The following CD300LF variants were observed in gnomAD, a reference collection of about 807,000 sequenced individuals.
CD300LF encodes CD300 molecule like family member f, also known as CMRF35-like molecule 1.
Under a neutral mutation model 32.2 loss-of-function variants are expected in CD300LF, and 27 were observed. That is an observed-to-expected ratio of 0.84 (90% CI 0.62 to 1.15). CD300LF has a LOEUF of 1.15. Ranked by LOEUF, CD300LF falls within the 50% of genes most tolerant of loss-of-function variation. The pLI is 0.00. For missense variants in CD300LF, 348 were observed against 356.8 expected (o/e 0.98, Z 0.20); for synonymous variants, 139 against 143.2 (o/e 0.97, Z 0.21).
chr17:74,710,585 G>A lies in CD300LF; in HGVS notation c.43+2239C>T, dbSNP rs761119620. Among the ~76,000 whole-genome samples the A allele has an allele frequency of 9.2e-5, 14 of 151,936 alleles. No individual in the cohort carries two copies. The East Asian group carries it at 1.4e-3, about 15-fold the overall frequency. On this transcript the variant is annotated intron_variant, in intron 1 of 6. Transcript: ENST00000326165. Reference sequence around the variant, plus strand: ...GAAAAAAAGCACAGTGAGGCTGGGCGCGGTGGCTCACGCCTGTAATCCCAA... The same window carrying A: ...GAAAAAAAGCACAGTGAGGCTGGGCACGGTGGCTCACGCCTGTAATCCCAA...
chr17:74,708,855 G>A lies in CD300LF; in HGVS notation c.43+3969C>T, dbSNP rs961951544. Among the ~76,000 whole-genome samples the A allele has an allele frequency of 2.0e-5, 3 of 151,218 alleles. No individual in the cohort carries two copies. In the Admixed American group the frequency reaches 2.0e-4, roughly 10 times the overall value. ...ACGTGAACCCGGGGGGGCGGAGCTT[G>A]CAGTGAGCCGAGATCGCGCCACTGC... On this transcript the variant is annotated intron_variant, in intron 1 of 6. Transcript: ENST00000326165.
At position 74,703,134 on chromosome 17, in the gene CD300LF, G is replaced by A. The variant is rs760194257; in HGVS notation, c.383-36C>T. The A allele has an allele frequency of 2.7e-5, 44 of 1,613,298 alleles. No individual in the cohort carries two copies. The East Asian group carries it at 9.8e-4, about 36-fold the overall frequency. ...AGTGGAGGTAGGCGTGGTGGGGGCAGGAGTCGACGCTGTAGTTGATGCTTG... is the reference window on the plus strand; with the variant it reads ...AGTGGAGGTAGGCGTGGTGGGGGCAAGAGTCGACGCTGTAGTTGATGCTTG... On this transcript the variant is annotated intron_variant, in intron 2 of 6. Transcript: ENST00000326165.
Position 74,694,927 on chromosome 17 carries a change from C to T in CD300LF, c.*169G>A. 3.3e-6 allele frequency: 2 copies of T among 613,474 alleles called. No homozygotes were observed. The highest frequency in any genetic ancestry group is 2.6e-5 in the South Asian group (1 of 38,318). 38.0% of individuals were successfully genotyped at this position (613,474 alleles called of 1,614,324 possible). On this transcript the variant is annotated 3_prime_UTR_variant, in exon 7 of 7. Coordinates refer to ENST00000326165, the MANE Select transcript of CD300LF (RefSeq NM_139018.5). Reference sequence around the variant, plus strand: ...TTAGAAAACCCCAACTCCTAGAAGCCCCCTGAGACTTGGCCCCAAGCCCAA... The same window carrying T: ...TTAGAAAACCCCAACTCCTAGAAGCTCCCTGAGACTTGGCCCCAAGCCCAA...
In CD300LF at chr17:74,694,954, C is replaced by A; in HGVS notation, c.*142G>T. On this transcript the variant is annotated 3_prime_UTR_variant, in exon 7 of 7. Coordinates refer to ENST00000326165, the MANE Select transcript of CD300LF (RefSeq NM_139018.5). ...CCTGAGACTTGGCCCCAAGCCCAAC[C>A]CAGAGCTAGGGGCAATGCTGGCTGA... 3 of 946,844 alleles carry A rather than the reference C, an allele frequency of 3.2e-6. No homozygotes were observed. The highest frequency in any genetic ancestry group is 3.1e-6 in the Non-Finnish European group (2 of 644,036). The allele number at this position is 946,844 out of a possible 1,614,324, so 58.7% of individuals were successfully genotyped here.
chr17:74,707,096 C>T lies in CD300LF; in HGVS notation c.44-2280G>A, dbSNP rs78112564. Among the ~76,000 whole-genome samples, 325 of 152,202 alleles carry T rather than the reference C, an allele frequency of 2.1e-3. 12 individuals are homozygous for T. The East Asian group carries it at 0.052, about 24-fold the overall frequency. The stretch of plus-strand genomic sequence containing the variant: ...CTTGGCGATGATGTCTTGGAGAGGA[C>T]GCCAAAAGCACAGGCAACAAAAGCA... On this transcript the variant is annotated intron_variant, in intron 1 of 6. Transcript: ENST00000326165.
intron 4 of CD300LF, among the ~76,000 whole-genome samples, chr17:74,697,980 A>T (rs1276740695): frequency 3.3e-5 from 5 of 152,062 alleles, no homozygotes; most frequent in African/African-American, 1.2e-4. Flanking sequence ...CTCCCTCCCC[A>T]TTCCATGTCA....
rs1567780400 is a variant in CD300LF, at chr17:74,695,091, G to A, written c.*5C>T. The A allele has an allele frequency of 6.2e-7, 1 of 1,611,070 alleles. No individual in the cohort carries two copies. Among genetic ancestry groups the A allele is most frequent in the South Asian group, 1.1e-5 (1 of 90,892 alleles). On this transcript the variant is annotated 3_prime_UTR_variant, in exon 7 of 7. Transcript: ENST00000326165. ...TGGGGTCCAAGAAGGAGCCTGGAGT[G>A]CAGGCTAAGGCCTGCTGATGGTGCT...
At chr17:74,704,435 A>G (rs1252721641) in intron 2 of CD300LF, 43 bp downstream of exon 2, 1 of 1,370,946 alleles carries the variant, frequency 7.3e-7, no homozygotes. Flanking sequence ...ACCAGGACAG[A>G]GCAGGCCCTG....
At chr17:74,708,687 C>T (rs1201688172) in intron 1 of CD300LF, among the ~76,000 whole-genome samples, 4 of 152,126 alleles carry the variant, frequency 2.6e-5, no homozygotes, top group Non-Finnish European at 5.9e-5. Context: ...GAGGCCAAGG[C>T]GGGCGGATCA....
At position 74,695,773 on chromosome 17, in the gene CD300LF, C is replaced by T. The variant is rs752622847; in HGVS notation, c.669G>A (p.Lys223=). The change falls in exon 6 of 7, where the codon AAG becomes AAA. Residue 223 remains lysine, a synonymous_variant. Coordinates refer to ENST00000326165, the MANE Select transcript of CD300LF (RefSeq NM_139018.5). ...CCTGGTCAACCTGGGCAGAGGAAAG[C>T]TTCGTGGTAGCCTTTTGCGGGGAGG... ...AGTSPQKATT[K]LSSAQVDQVE... is the part of the protein sequence containing the mutation. 1 of 1,614,176 alleles carries T rather than the reference C, an allele frequency of 6.2e-7. No individual in the cohort carries two copies. Among genetic ancestry groups the T allele is most frequent in the Non-Finnish European group, 8.5e-7 (1 of 1,180,014 alleles).
At chr17:74,705,490 C>T in intron 1 of CD300LF, 3 of 478,518 alleles carry the variant, frequency 6.3e-6, no homozygotes, top group Non-Finnish European at 1.1e-5. Context: ...TATTTGTCCA[C>T]CTTTCTGCCA....
intron 3 of CD300LF, 50 bp downstream of exon 3, chr17:74,702,985 T>C (rs555420456): frequency 1.4e-5 from 20 of 1,403,984 alleles, no homozygotes; most frequent in East Asian, 9.2e-5. Context: ...GAGTTCTCCA[T>C]TGGAGGAGTT....
At position 74,695,731 on chromosome 17, in the gene CD300LF, GA is replaced by G; in HGVS notation, c.710del (p.Val237AlafsTer16). ...AQVDQVEVEYVTMASLPKEDI... is the reference protein window; with the variant it reads ...AQVDQVEVEYXTMASLPKEDI... Reference sequence around the variant, plus strand: ...GCCCCCATGGAGGACGCACCATGGTGACATATTCCACTTCCACCTGGTCAAC... The same window carrying G: ...GCCCCCATGGAGGACGCACCATGGTGCATATTCCACTTCCACCTGGTCAAC... On this transcript the variant is annotated frameshift_variant, in exon 6 of 7. Coordinates refer to ENST00000326165, the MANE Select transcript of CD300LF (RefSeq NM_139018.5). LOFTEE classifies it low-confidence loss of function (END_TRUNC). 1 of 1,614,158 alleles carries G rather than the reference GA, an allele frequency of 6.2e-7. No individual in the cohort carries two copies.
At chr17:74,698,698 C>T (rs1459644826) in intron 3 of CD300LF, 6 of 1,207,994 alleles carry the variant, frequency 5.0e-6, no homozygotes, top group Non-Finnish European at 6.6e-6. Context: ...GACACCAGGG[C>T]CTACTTGAGG....
chr17:74,698,716 G>A (rs2032757361), intron 3 of CD300LF: 2 of 1,009,408 alleles, frequency 2.0e-6, no homozygotes, highest in Non-Finnish European at 2.8e-6. Flanking sequence ...AGGATGGAGG[G>A]TGGGAGGAAG....
At chr17:74,701,757 T>C (rs1056920868) in intron 3 of CD300LF, among the ~76,000 whole-genome samples, 2 of 149,954 alleles carry the variant, frequency 1.3e-5, no homozygotes, top group Non-Finnish European at 3.0e-5. Context: ...AGCTGAGGTA[T>C]GAGAATCACA....
At chr17:74,696,643 C>A (rs980124238) in intron 4 of CD300LF, among the ~76,000 whole-genome samples, 7 of 152,226 alleles carry the variant, frequency 4.6e-5, no homozygotes, top group Admixed American at 2.0e-4. Context: ...GCTGTCTAAT[C>A]CCCCTCCCGG....
Position 74,704,605 on chromosome 17 carries a change from A to G in CD300LF, c.255T>C (p.Asn85=), listed in dbSNP as rs1201217768. The change falls in exon 2 of 7, where the codon AAT becomes AAC. Residue 85 remains asparagine, a synonymous_variant. Coordinates refer to ENST00000326165, the MANE Select transcript of CD300LF (RefSeq NM_139018.5). ...VKRDRVSIKD[N]QKNRTFTVTM... ...TCACAGTGAACGTGCGGTTTTTCTG[A>G]TTGTCCTTGATGGACACCCGGTCCC... 1 of 1,614,094 alleles carries G rather than the reference A, an allele frequency of 6.2e-7. No homozygotes were observed. The highest frequency in any genetic ancestry group is 8.5e-7 in the Non-Finnish European group (1 of 1,180,028).
chr17:74,705,230 A>T (rs1230095808), intron 1 of CD300LF: 1 of 702,292 alleles, frequency 1.4e-6, no homozygotes, highest in East Asian at 2.7e-5. Context: ...GATGACCCTC[A>T]TGAGGTCGAG....
Sources: gnomAD v4.1 joint callset for allele counts (sites outside exome capture counted in the v4.1 genomes callset) on GRCh38, gnomAD v4.1.1 for gene constraint, MANE v1.5 for transcripts, NCBI Gene and HGNC (gene_info 2026-07-23, HGNC 2026-07-21) for gene names.